TASP1: variants seen among roughly 807,000 people sequenced by gnomAD.
TASP1 encodes the protein taspase 1.
Under a neutral mutation model 56.6 loss-of-function variants are expected in TASP1, and 16 were observed. That is an observed-to-expected ratio of 0.28 (90% CI 0.19 to 0.43). TASP1 has a LOEUF of 0.43. Ranked by LOEUF, TASP1 falls within the 20% of genes least tolerant of loss-of-function variation. The probability of loss-of-function intolerance (pLI) is 1.00; values close to 1 mark genes in which losing one functional copy is unlikely to be tolerated. For missense variants in TASP1, 393 were observed against 511.6 expected (o/e 0.77, Z 2.24); for synonymous variants, 179 against 184.2 (o/e 0.97, Z 0.23).
the TASP1 span, among the ~76,000 whole-genome samples, chr20:13,313,177 T>C: frequency 1.3e-5 from 2 of 152,156 alleles, no homozygotes; most frequent in African/African-American, 4.8e-5. Flanking sequence ...TAATTGCAGA[T>C]TATTAGAACT....
chr20:13,599,791 TA>T (rs35137286), intron 4 of TASP1, among the ~76,000 whole-genome samples: 467 of 141,318 alleles, frequency 3.3e-3, no homozygotes, highest in Middle Eastern at 7.2e-3. Context: ...ATTCGTGATT[TA>T]AAAAAAAAAA....
intron 8 of TASP1, among the ~76,000 whole-genome samples, chr20:13,557,389 A>C (rs972078504): frequency 3.9e-5 from 6 of 152,106 alleles, no homozygotes; most frequent in Non-Finnish European, 7.3e-5. Flanking sequence ...GAGCAAGAAA[A>C]AGCATTTACT....
At chr20:13,370,915 A>G in the TASP1 span, among the ~76,000 whole-genome samples, 1 of 152,026 alleles carries the variant, frequency 6.6e-6, no homozygotes, top group African/African-American at 2.4e-5. Flanking sequence ...TTTCTGTAAG[A>G]ATTTGTCAAT....
chr20:13,210,015 C>T, the TASP1 span, among the ~76,000 whole-genome samples: 3 of 152,172 alleles, frequency 2.0e-5, no homozygotes, highest in African/African-American at 7.2e-5. Flanking sequence ...TATACCCTTC[C>T]CATAAGCAAT....
At chr20:13,397,539 C>T (rs1244731687) in intron 13 of TASP1, among the ~76,000 whole-genome samples, 1 of 152,134 alleles carries the variant, frequency 6.6e-6, no homozygotes, top group Non-Finnish European at 1.5e-5. Flanking sequence ...CTTGACTCCC[C>T]CTGAAGACTT....
At chr20:13,592,385 G>A (rs73088095) in intron 4 of TASP1, among the ~76,000 whole-genome samples, 15,743 of 134,342 alleles carry the variant, frequency 0.12, 1,056 homozygotes, top group Middle Eastern at 0.19. Context: ...CAATGAAAGC[G>A]AAACACTGTC....
At chr20:13,614,489 TC>T (rs1287078799) in intron 4 of TASP1, among the ~76,000 whole-genome samples, 1 of 152,160 alleles carries the variant, frequency 6.6e-6, no homozygotes, top group Non-Finnish European at 1.5e-5. Context: ...AAATATTCTG[TC>T]CAAAAATGGA....
chr20:13,565,033 ATGGCAT>A (rs2046475140), intron 7 of TASP1, among the ~76,000 whole-genome samples: 1 of 151,964 alleles, frequency 6.6e-6, no homozygotes, highest in South Asian at 2.1e-4. Flanking sequence ...AAATATGGAA[ATGGCAT>A]AAAGGCCATT....
the TASP1 span, among the ~76,000 whole-genome samples, chr20:13,208,860 CAT>C: frequency 6.6e-6 from 1 of 152,200 alleles, no homozygotes; most frequent in East Asian, 1.9e-4. Flanking sequence ...CCAACAAACT[CAT>C]AGACTTGTGA....
At chr20:13,612,005 AATCTAAGCTTG>A (rs2147444731) in intron 4 of TASP1, among the ~76,000 whole-genome samples, 1 of 152,332 alleles carries the variant, frequency 6.6e-6, no homozygotes, top group East Asian at 1.9e-4. Flanking sequence ...TCAGATGCAA[AATCTAAGCTTG>A]CGTAAATCTT....
the TASP1 span, among the ~76,000 whole-genome samples, chr20:13,351,314 C>T: frequency 6.6e-6 from 1 of 152,184 alleles, no homozygotes; most frequent in Admixed American, 6.5e-5. Context: ...GACCCAAAAA[C>T]CCCATCCCTG....
intron 11 of TASP1, among the ~76,000 whole-genome samples, chr20:13,440,716 A>T (rs1006659083): frequency 1.3e-5 from 2 of 151,902 alleles, no homozygotes; most frequent in African/African-American, 2.4e-5. Flanking sequence ...TAATACACTG[A>T]GAGAAGTTTA....
the TASP1 span, among the ~76,000 whole-genome samples, chr20:13,367,356 C>G: frequency 4.6e-5 from 7 of 152,150 alleles, no homozygotes; most frequent in African/African-American, 1.7e-4. Flanking sequence ...GAACTTTTTC[C>G]AGATATTCAT....
intron 11 of TASP1, among the ~76,000 whole-genome samples, chr20:13,467,225 A>G (rs990315713): frequency 1.2e-4 from 17 of 140,260 alleles, no homozygotes; most frequent in African/African-American, 4.4e-4. Flanking sequence ...ACGACACACA[A>G]ATACTTTTTT....
At chr20:13,366,407 A>T in the TASP1 span, among the ~76,000 whole-genome samples, 2 of 152,194 alleles carry the variant, frequency 1.3e-5, no homozygotes, top group Admixed American at 6.5e-5. Flanking sequence ...AGTGTCTAAG[A>T]ACCCAAGTGA....
chr20:13,466,153 C>T (rs927908886), intron 11 of TASP1, among the ~76,000 whole-genome samples: 3 of 151,794 alleles, frequency 2.0e-5, no homozygotes, highest in African/African-American at 7.3e-5. Context: ...TTATTTCTTC[C>T]AACTGCATGT....
chr20:13,292,654 G>A, the TASP1 span, among the ~76,000 whole-genome samples: 4 of 152,010 alleles, frequency 2.6e-5, no homozygotes, highest in African/African-American at 4.8e-5. Flanking sequence ...CTCCTCCACC[G>A]GACCGAGCGC....
chr20:13,422,100 C>T (rs1028629877), intron 12 of TASP1, among the ~76,000 whole-genome samples: 1 of 151,802 alleles, frequency 6.6e-6, no homozygotes, highest in African/African-American at 2.4e-5. Flanking sequence ...TACAGGCGCC[C>T]ACCACCACGC....
At chr20:13,305,958 C>G in the TASP1 span, among the ~76,000 whole-genome samples, 2 of 152,124 alleles carry the variant, frequency 1.3e-5, no homozygotes, top group Admixed American at 1.3e-4. Flanking sequence ...GAGTGGGGCA[C>G]TGGATTGAGA....
Sources: gnomAD v4.1 joint callset for allele counts (sites outside exome capture counted in the v4.1 genomes callset) on GRCh38, gnomAD v4.1.1 for gene constraint, MANE v1.5 for transcripts, NCBI Gene and HGNC (gene_info 2026-07-23, HGNC 2026-07-21) for gene names.